The following C12orf75 variants were observed in gnomAD, a reference collection of about 807,000 sequenced individuals.
C12orf75 encodes the protein overexpressed in colon carcinoma 1 protein.
A neutral mutation model predicts 11.4 loss-of-function variants in C12orf75; 4 were observed. That is an observed-to-expected ratio of 0.35 (90% CI 0.17 to 0.80). The LOEUF (loss-of-function observed/expected upper bound fraction) is 0.80. C12orf75 is among the 30% of genes least tolerant of loss of function. C12orf75 has a pLI of 0.52. For synonymous variants in C12orf75, 30 were observed against 30.0 expected, an observed-to-expected ratio of 1.00 and a Z score of 0.00; for missense variants, 89 against 80.4, an observed-to-expected ratio of 1.11 and a Z score of -0.41.
At chr12:105,337,175 T>C (rs1299891078) in intron 1 of C12orf75, among the ~76,000 whole-genome samples, 1 of 151,792 alleles carries the variant, frequency 6.6e-6, no homozygotes, top group African/African-American at 2.4e-5. Flanking sequence ...AATACAAAAA[T>C]TAACCAGGCG....
chr12:105,338,609 A>G (rs1220925532), intron 1 of C12orf75, among the ~76,000 whole-genome samples: 2 of 152,206 alleles, frequency 1.3e-5, no homozygotes, highest in African/African-American at 4.8e-5. Flanking sequence ...CAGCCTGTAC[A>G]AGAAGCATGG....
At chr12:105,340,281 C>A (rs572594975) in intron 1 of C12orf75, among the ~76,000 whole-genome samples, 1 of 151,482 alleles carries the variant, frequency 6.6e-6, no homozygotes, top group Non-Finnish European at 1.5e-5. Context: ...AAAAATTAGC[C>A]GGGCGTGGTG....
chr12:105,367,799 A>G (rs1871521471), intron 5 of C12orf75, among the ~76,000 whole-genome samples: 2 of 152,148 alleles, frequency 1.3e-5, no homozygotes, highest in South Asian at 4.1e-4. Context: ...TTCATTGCAG[A>G]AATCTTTGAG....
chr12:105,345,963 C>T (rs1892634676), intron 1 of C12orf75, among the ~76,000 whole-genome samples: 1 of 152,094 alleles, frequency 6.6e-6, no homozygotes, highest in Admixed American at 6.5e-5. Context: ...CGTGCCCGGC[C>T]TAGCACTTTT....
At chr12:105,354,580 G>T (rs1414861023) in intron 2 of C12orf75, among the ~76,000 whole-genome samples, 2 of 152,186 alleles carry the variant, frequency 1.3e-5, no homozygotes, top group Non-Finnish European at 2.9e-5. Context: ...ATGACAGCTA[G>T]AATTATTAGT....
chr12:105,352,145 G>C (rs1276681551), intron 2 of C12orf75, among the ~76,000 whole-genome samples: 1 of 152,202 alleles, frequency 6.6e-6, no homozygotes, highest in Non-Finnish European at 1.5e-5. Flanking sequence ...AGTCAAACTT[G>C]AGCCAAGGGA....
At chr12:105,350,093 T>C (rs1892691640) in intron 2 of C12orf75, among the ~76,000 whole-genome samples, 1 of 152,228 alleles carries the variant, frequency 6.6e-6, no homozygotes, top group African/African-American at 2.4e-5. Context: ...CAGTGAATAC[T>C]GCACCCTGAC....
chr12:105,336,265 T>G (rs1163103372), intron 1 of C12orf75, among the ~76,000 whole-genome samples: 1 of 152,220 alleles, frequency 6.6e-6, no homozygotes, highest in Non-Finnish European at 1.5e-5. Context: ...AGAAAGGCAC[T>G]GAGGCCACAG....
At chr12:105,350,785 C>G (rs753312694) in intron 2 of C12orf75, among the ~76,000 whole-genome samples, 1 of 152,110 alleles carries the variant, frequency 6.6e-6, no homozygotes, top group Admixed American at 6.6e-5. Flanking sequence ...GTTGTTGAAT[C>G]AGTTCCATCA....
At chr12:105,354,261 A>G (rs920734627) in intron 2 of C12orf75, among the ~76,000 whole-genome samples, 14 of 152,216 alleles carry the variant, frequency 9.2e-5, no homozygotes, top group Non-Finnish European at 1.9e-4. Flanking sequence ...TGTCCTTAGT[A>G]TAATTATCTG....
intron 1 of C12orf75, among the ~76,000 whole-genome samples, chr12:105,348,270 C>G (rs1251055315): frequency 1.3e-5 from 2 of 152,008 alleles, no homozygotes; most frequent in Non-Finnish European, 2.9e-5. Flanking sequence ...CAAAAATTAA[C>G]CAGGCATGGT....
chr12:105,337,309 A>C (rs1262284219), intron 1 of C12orf75, among the ~76,000 whole-genome samples: 1 of 152,168 alleles, frequency 6.6e-6, no homozygotes, highest in Non-Finnish European at 1.5e-5. Flanking sequence ...ATCCTGTCTT[A>C]AAAAACAAAC....
intron 1 of C12orf75, among the ~76,000 whole-genome samples, chr12:105,332,277 A>G (rs554196838): frequency 6.6e-6 from 1 of 152,332 alleles, no homozygotes; most frequent in South Asian, 2.1e-4. Flanking sequence ...CTACTTAAAA[A>G]AGGTGAAGAA....
chr12:105,366,017 T>G, intron 3 of C12orf75, 175 bp downstream of exon 3: 1 of 633,498 alleles, frequency 1.6e-6, no homozygotes. Flanking sequence ...TTCATCATCT[T>G]TGCTCCTTCC....
At chr12:105,361,281 C>T (rs1457385010) in intron 2 of C12orf75, among the ~76,000 whole-genome samples, 1 of 152,046 alleles carries the variant, frequency 6.6e-6, no homozygotes, top group East Asian at 1.9e-4. Flanking sequence ...TAAAATCTTT[C>T]AAAATAAAGA....
At chr12:105,337,496 G>A (rs1892511626) in intron 1 of C12orf75, among the ~76,000 whole-genome samples, 1 of 152,086 alleles carries the variant, frequency 6.6e-6, no homozygotes, top group South Asian at 2.1e-4. Flanking sequence ...TGGGGAATTG[G>A]AACAATTGAT....
At chr12:105,360,239 G>T (rs1892843199) in intron 2 of C12orf75, among the ~76,000 whole-genome samples, 1 of 152,222 alleles carries the variant, frequency 6.6e-6, no homozygotes, top group South Asian at 2.1e-4. Flanking sequence ...TCTCTGGTTT[G>T]GGGGACAAAT....
chr12:105,364,807 C>T (rs1000855243), intron 2 of C12orf75, among the ~76,000 whole-genome samples: 8 of 150,342 alleles, frequency 5.3e-5, no homozygotes, highest in South Asian at 2.1e-4. Context: ...CTTAGAAATA[C>T]GCCAAGGAAT....
intron 2 of C12orf75, among the ~76,000 whole-genome samples, chr12:105,362,109 G>A (rs962037357): frequency 1.3e-5 from 2 of 152,036 alleles, no homozygotes; most frequent in Non-Finnish European, 2.9e-5. Context: ...GCTCCTGGCC[G>A]GGCGCGGTGG....
Sources: allele counts gnomAD v4.1 joint callset (sites outside exome capture counted in the v4.1 genomes callset), GRCh38; gene constraint gnomAD v4.1.1; transcripts MANE v1.5; gene names NCBI Gene and HGNC (gene_info 2026-07-23, HGNC 2026-07-21).